The following KIF5A variants were observed in gnomAD, a reference collection of about 807,000 sequenced individuals.
KIF5A encodes the protein kinesin heavy chain isoform 5A.
In KIF5A, 35 loss-of-function variants were observed where a neutral mutation model predicts 141.3. That is an observed-to-expected ratio of 0.25 (90% CI 0.19 to 0.33). The LOEUF (loss-of-function observed/expected upper bound fraction) is 0.33. KIF5A is among the 10% of genes least tolerant of loss of function. The pLI is 1.00. For missense variants in KIF5A, 861 were observed against 1,314.3 expected (o/e 0.66, Z 5.33); for synonymous variants, 448 against 500.2 (o/e 0.90, Z 1.39).
chr12:57,576,433 A>G (rs1346166398), intron 19 of KIF5A, 55 bp downstream of exon 19: 7 of 1,292,818 alleles, frequency 5.4e-6, no homozygotes, highest in Non-Finnish European at 7.8e-6. Flanking sequence ...ACCTTGCTGT[A>G]TTGACTCACA....
At position 57,568,133 on chromosome 12, in the gene KIF5A, G is replaced by A. The variant is rs571212950; in HGVS notation, c.714+515G>A. On this transcript the variant is annotated intron_variant, in intron 8 of 28. Transcript: ENST00000455537. ...CCTGACCTCGGGATCCACCTGCCTC[G>A]GCCTCCCAAAGTGCTGGGACTACAG... Among the ~76,000 whole-genome samples the A allele has an allele frequency of 3.9e-5, 6 of 152,088 alleles. No individual in the cohort carries two copies. The South Asian group carries it at 8.3e-4, about 21-fold the overall frequency.
chr12:57,568,559 C>A (rs1046525616), intron 8 of KIF5A, among the ~76,000 whole-genome samples: 2 of 152,086 alleles, frequency 1.3e-5, no homozygotes, highest in Non-Finnish European at 2.9e-5. Context: ...AACCCCATCT[C>A]TACAAAAAAT....
chr12:57,571,228 T>G, intron 12 of KIF5A, 93 bp from the exon 13 acceptor site: 1 of 806,088 alleles, frequency 1.2e-6, no homozygotes, highest in East Asian at 2.5e-5. Flanking sequence ...ATCTGGATTT[T>G]TATCAGGATC....
chr12:57,569,139 T>C, intron 9 of KIF5A, 72 bp downstream of exon 9: 1 of 1,546,372 alleles, frequency 6.5e-7, no homozygotes, highest in South Asian at 1.1e-5. Flanking sequence ...AATGCCACCA[T>C]ATGATCATGC....
rs1882707968 is a variant in KIF5A, at chr12:57,584,737, A to C, written c.*556A>C. ...TCACATATAGCACAGGGGAAGGTAA[A>C]ATGGAAGGGCTGCTAATTGAGACAT... is the stretch of plus-strand genomic sequence containing the variant. On this transcript the variant is annotated 3_prime_UTR_variant, in exon 29 of 29. Coordinates refer to ENST00000455537, the MANE Select transcript of KIF5A (RefSeq NM_004984.4). 6.6e-6 allele frequency: 1 copy of C among 152,622 alleles called. No individual in the cohort carries two copies. Among genetic ancestry groups the C allele is most frequent in the African/African-American group, 2.4e-5 (1 of 41,436 alleles). The allele number at this position is 152,622 out of a possible 1,614,324, so 9.5% of individuals were successfully genotyped here. A position where few individuals can be genotyped will look rare whatever the true frequency, so the allele number is the denominator to read the frequency against.
rs1881539573 is a variant in KIF5A at position 57,550,547 on chromosome 12, C to G, written c.129+147C>G. The stretch of plus-strand genomic sequence containing the variant: ...TCTTCCCCGCAGCCCCTCCTCTCCC[C>G]TGCATCAGGATGGCTGGGTGTGGCC... On this transcript the variant is annotated intron_variant, in intron 1 of 28. Transcript: ENST00000455537. The surrounding 1 kb of genome is among the most constrained non-coding windows in gnomAD (Gnocchi z 4.6). 3.4e-6 allele frequency: 3 copies of G among 883,662 alleles called. No individual in the cohort carries two copies. Among genetic ancestry groups the G allele is most frequent in the Non-Finnish European group, 5.3e-6 (3 of 571,354 alleles). The allele number at this position is 883,662 out of a possible 1,614,324, so 54.7% of individuals were successfully genotyped here.
intron 11 of KIF5A, 148 bp downstream of exon 11, chr12:57,569,831 G>T: frequency 7.2e-7 from 1 of 1,388,046 alleles, no homozygotes; most frequent in East Asian, 2.4e-5. Context: ...GCAGTCATGG[G>T]GGAAGGGAGG....
intron 1 of KIF5A, among the ~76,000 whole-genome samples, chr12:57,552,899 T>C (rs1594905592): frequency 2.0e-5 from 3 of 152,228 alleles, no homozygotes; most frequent in African/African-American, 7.2e-5. Flanking sequence ...GAGTCCCTTC[T>C]GTTCGTGGGC....
intron 26 of KIF5A, among the ~76,000 whole-genome samples, chr12:57,582,396 C>G (rs183185927): frequency 1.1e-4 from 17 of 152,236 alleles, no homozygotes; most frequent in Admixed American, 2.6e-4. Flanking sequence ...CCTTCCAGTT[C>G]CCTTTTCCTC....
chr12:57,559,328 A>G (rs1365312380), intron 1 of KIF5A, among the ~76,000 whole-genome samples: 1 of 152,224 alleles, frequency 6.6e-6, no homozygotes, highest in Non-Finnish European at 1.5e-5. Context: ...TACCCTCAGC[A>G]GTATGTGTGA....
In KIF5A at chr12:57,572,819, C is replaced by G. The variant is rs1265005696; in HGVS notation, c.1716+93C>G. The G allele has an allele frequency of 6.8e-7, 1 of 1,461,214 alleles. No homozygotes were observed. The allele number at this position is 1,461,214 out of a possible 1,614,324, so 90.5% of individuals were successfully genotyped here. On this transcript the variant is annotated intron_variant, in intron 15 of 28. Transcript: ENST00000455537. This position sits in a 1 kb window ranked among gnomAD's most constrained non-coding sequence, Gnocchi z 4.2. ...AGGCCTTCACAGATACTGAGAAAGGCAGCCAGAGAGCCAGGAAACATGCCT... is the reference window on the plus strand; with the variant it reads ...AGGCCTTCACAGATACTGAGAAAGGGAGCCAGAGAGCCAGGAAACATGCCT...
At chr12:57,582,026 T>A in intron 26 of KIF5A, 74 bp downstream of exon 26, 2 of 1,233,774 alleles carry the variant, frequency 1.6e-6, no homozygotes, top group Non-Finnish European at 2.4e-6. Context: ...GTAAGTGACC[T>A]TAGTGTACAA....
At chr12:57,566,823 C>T (rs1042181030) in intron 6 of KIF5A, among the ~76,000 whole-genome samples, 64 of 151,888 alleles carry the variant, frequency 4.2e-4, no homozygotes, top group African/African-American at 1.4e-3. Flanking sequence ...AGGCGGATCA[C>T]GAGGTCAGGA....
chr12:57,556,557 T>C (rs1164066077), intron 1 of KIF5A, among the ~76,000 whole-genome samples: 1 of 151,860 alleles, frequency 6.6e-6, no homozygotes, highest in Non-Finnish European at 1.5e-5. Context: ...GGGGCTATAA[T>C]TGGCTTCAGC....
chr12:57,575,736 C>G lies in KIF5A; in HGVS notation c.2002C>G (p.Leu668Val), dbSNP rs767365871. The part of the protein sequence containing the change: ...EESYDSLSDE[L>V]AKLQAQETVH... ...GTCCTATGACTCCTTGAGCGATGAG[C>G]TGGCCAAGCTCCAGGCCCAGGGTGA... is the stretch of plus-strand genomic sequence containing the variant. The change falls in exon 17 of 29, where the codon CTG (leucine) becomes GTG (valine). Residue 668 changes from leucine (L) to valine (V), a missense_variant. Leu to Val is a conservative substitution (Grantham distance 32). Coordinates refer to ENST00000455537, the MANE Select transcript of KIF5A (RefSeq NM_004984.4). 1.2e-6 allele frequency: 2 copies of G among 1,613,774 alleles called. No individual in the cohort carries two copies. The highest frequency in any genetic ancestry group is 2.2e-5 in the South Asian group (2 of 91,078).
chr12:57,577,196 A>G (rs1218457304), intron 20 of KIF5A, among the ~76,000 whole-genome samples: 1 of 152,224 alleles, frequency 6.6e-6, no homozygotes, highest in African/African-American at 2.4e-5. Flanking sequence ...TGTTGGTTTG[A>G]TCTGTAAATA....
rs767801820 is a variant in KIF5A at position 57,571,430 on chromosome 12, T to C, written c.1362+41T>C. On this transcript the variant is annotated intron_variant, in intron 13 of 28. Coordinates refer to ENST00000455537, the MANE Select transcript of KIF5A (RefSeq NM_004984.4). Reference sequence around the variant, plus strand: ...GCAGGACATGAGAGGAAAGGGGTTCTGTTCATCACTGGAAGGCATGGAATA... The same window carrying C: ...GCAGGACATGAGAGGAAAGGGGTTCCGTTCATCACTGGAAGGCATGGAATA... 2.5e-6 allele frequency: 4 copies of C among 1,605,238 alleles called. No individual in the cohort carries two copies. In the Admixed American group the frequency reaches 5.0e-5, roughly 20 times the overall value.
intron 1 of KIF5A, among the ~76,000 whole-genome samples, chr12:57,557,704 T>C (rs1377472055): frequency 6.6e-6 from 1 of 152,046 alleles, no homozygotes; most frequent in Non-Finnish European, 1.5e-5. Flanking sequence ...TATTTTACAA[T>C]TTTTCTGTTT....
chr12:57,578,399 AAATCCTCAG>A, intron 23 of KIF5A, 57 bp downstream of exon 23: 2 of 1,164,218 alleles, frequency 1.7e-6, no homozygotes, highest in South Asian at 2.4e-5. Flanking sequence ...CTAGCATACC[AAATCCTCAG>A]AGGCCCCTTG....
Sources: allele counts gnomAD v4.1 joint callset (sites outside exome capture counted in the v4.1 genomes callset), GRCh38; gene constraint gnomAD v4.1.1; non-coding constraint Gnocchi (gnomAD v3.1); transcripts MANE v1.5; gene names NCBI Gene and HGNC (gene_info 2026-07-23, HGNC 2026-07-21).